The following MLLT10 variants were observed in gnomAD, a reference collection of about 807,000 sequenced individuals.
The protein encoded by MLLT10 is MLLT10 histone lysine methyltransferase DOT1L cofactor.
Under a neutral mutation model 129.1 loss-of-function variants are expected in MLLT10, and 30 were observed. That is an observed-to-expected ratio of 0.23 (90% CI 0.17 to 0.32). The LOEUF is 0.32. MLLT10 is among the 10% of genes least tolerant of loss of function. The pLI is 1.00. For synonymous variants in MLLT10, 490 were observed against 446.4 expected (o/e 1.10, Z -1.23); for missense variants, 1,119 against 1,268.3 (o/e 0.88, Z 1.79).
intron 8 of MLLT10, among the ~76,000 whole-genome samples, chr10:21,631,616 G>A (rs959936315): frequency 6.6e-6 from 1 of 152,078 alleles, no homozygotes; most frequent in African/African-American, 2.4e-5. Context: ...AATCATGTCA[G>A]AAGGCGACGA....
intron 3 of MLLT10, among the ~76,000 whole-genome samples, chr10:21,580,142 C>A (rs963798254): frequency 6.6e-6 from 1 of 151,368 alleles, no homozygotes; most frequent in Non-Finnish European, 1.5e-5. Flanking sequence ...CCTCAGCCTT[C>A]TGAGTATTTG....
intron 8 of MLLT10, among the ~76,000 whole-genome samples, chr10:21,642,618 C>A (rs551294632): frequency 2.1e-5 from 3 of 143,902 alleles, no homozygotes; most frequent in Middle Eastern, 3.8e-3. Flanking sequence ...GATTGAGCCA[C>A]TGCACTCCAG....
chr10:21,587,314 G>C (rs2042080145), intron 4 of MLLT10, among the ~76,000 whole-genome samples: 1 of 151,508 alleles, frequency 6.6e-6, no homozygotes, highest in Non-Finnish European at 1.5e-5. Context: ...CAGCTACTTG[G>C]GAAGCTGAGC....
At chr10:21,712,188 A>G (rs1179626430) in intron 13 of MLLT10, among the ~76,000 whole-genome samples, 2 of 126,808 alleles carry the variant, frequency 1.6e-5, no homozygotes, top group Non-Finnish European at 3.4e-5. Flanking sequence ...AATTTATTAT[A>G]TAAGTCAATA....
intron 3 of MLLT10, 88 bp from the exon 4 acceptor site, chr10:21,586,206 T>G: frequency 9.8e-7 from 1 of 1,015,694 alleles, no homozygotes; most frequent in Non-Finnish European, 1.5e-6. Flanking sequence ...TGCTCTCACA[T>G]TTTCAGTAGT....
chr10:21,741,880 C>T, intron 22 of MLLT10, 59 bp from the exon 23 acceptor site: 28 of 1,547,052 alleles, frequency 1.8e-5, no homozygotes, highest in Middle Eastern at 1.7e-4. Flanking sequence ...GTTTCAAATT[C>T]GGAGAATATT....
intron 8 of MLLT10, among the ~76,000 whole-genome samples, chr10:21,638,892 C>T (rs1255083472): frequency 6.6e-6 from 1 of 152,220 alleles, no homozygotes; most frequent in East Asian, 1.9e-4. Context: ...GCCAGCACAG[C>T]ATCCTTGGGC....
Position 21,595,234 on chromosome 10 carries a change from A to G in MLLT10, c.296-97A>G, listed in dbSNP as rs2042931460. On this transcript the variant is annotated intron_variant, in intron 4 of 22. Transcript: ENST00000307729. Reference sequence around the variant, plus strand: ...TTGTTAATGTCCTTGTTGTGCATTTATTTCAATAGACATTTAAGGGATCTG... The same window carrying G: ...TTGTTAATGTCCTTGTTGTGCATTTGTTTCAATAGACATTTAAGGGATCTG... 6 of 794,910 alleles carry G rather than the reference A, an allele frequency of 7.5e-6. No individual in the cohort carries two copies. The Admixed American group carries it at 1.5e-4, about 20-fold the overall frequency. The allele number at this position is 794,910 out of a possible 1,614,324, so 49.2% of individuals were successfully genotyped here.
intron 13 of MLLT10, among the ~76,000 whole-genome samples, chr10:21,689,546 A>AATATATATATATATATATATGTAT (rs370885697): frequency 3.7e-5 from 4 of 108,324 alleles, no homozygotes; most frequent in African/African-American, 1.3e-4. Flanking sequence ...TGTGTAAAGT[A>AATATATATATATATATATATGTAT]ATATATATAT....
chr10:21,616,384 G>A (rs879490290), intron 7 of MLLT10, among the ~76,000 whole-genome samples: 1 of 151,912 alleles, frequency 6.6e-6, no homozygotes, highest in Non-Finnish European at 1.5e-5. Context: ...CTTTACATTT[G>A]CATGGAATTT....
intron 3 of MLLT10, among the ~76,000 whole-genome samples, chr10:21,540,134 T>C (rs1372454014): frequency 6.6e-6 from 1 of 152,120 alleles, no homozygotes; most frequent in African/African-American, 2.4e-5. Flanking sequence ...CTCATGCCTA[T>C]AATTCCAGCA....
At chr10:21,605,267 G>C (rs1163525034) in intron 5 of MLLT10, among the ~76,000 whole-genome samples, 2 of 152,076 alleles carry the variant, frequency 1.3e-5, no homozygotes, top group Non-Finnish European at 2.9e-5. Flanking sequence ...TGGCTGACTG[G>C]GAGTTGTGGC....
intron 3 of MLLT10, among the ~76,000 whole-genome samples, chr10:21,578,858 C>A (rs1589046863): frequency 6.6e-6 from 1 of 152,078 alleles, no homozygotes; most frequent in East Asian, 1.9e-4. Context: ...ATATTATAAG[C>A]CCCAGAAAAC....
intron 11 of MLLT10, among the ~76,000 whole-genome samples, chr10:21,675,092 T>A (rs972007594): frequency 9.2e-5 from 14 of 152,226 alleles, no homozygotes; most frequent in Non-Finnish European, 1.8e-4. Flanking sequence ...TGTTAATATT[T>A]ATTTTCTCAT....
rs184791052 is a variant in MLLT10 at position 21,693,232 on chromosome 10, G to A, written c.1699+10975G>A. On this transcript the variant is annotated intron_variant, in intron 13 of 22. Coordinates refer to ENST00000307729, the MANE Select transcript of MLLT10 (RefSeq NM_001195626.3). ...TCATTGATTCATAACAATTGCAGCT[G>A]ACATTTAAATTGCTTTGCAATGTTA... 3.8e-3 allele frequency among the ~76,000 whole-genome samples: 572 copies of A among 152,208 alleles called. 4 individuals are homozygous for A. The highest frequency in any genetic ancestry group is 0.013 in the African/African-American group (543 of 41,516).
At chr10:21,557,548 C>T (rs2038203448) in intron 3 of MLLT10, 1 of 152,784 alleles carries the variant, frequency 6.5e-6, no homozygotes, top group African/African-American at 2.4e-5. Flanking sequence ...CCTCTTTCTC[C>T]TTCCGTGGGG....
At chr10:21,666,652 ACT>A (rs1232564446) in intron 9 of MLLT10, among the ~76,000 whole-genome samples, 4 of 150,374 alleles carry the variant, frequency 2.7e-5, no homozygotes, top group African/African-American at 7.3e-5. Flanking sequence ...ACAGAGCAAG[ACT>A]CTGTCTCAAA....
At chr10:21,724,444 A>G (rs1314354616) in intron 14 of MLLT10, among the ~76,000 whole-genome samples, 1 of 152,230 alleles carries the variant, frequency 6.6e-6, no homozygotes, top group African/African-American at 2.4e-5. Flanking sequence ...GCAGTTATAC[A>G]TATCCAAATG....
chr10:21,742,208 T>C lies in MLLT10; in HGVS notation c.*225T>C, dbSNP rs1219780038. The C allele has an allele frequency of 2.4e-6, 1 of 416,490 alleles. No homozygotes were observed. The highest frequency in any genetic ancestry group is 4.2e-6 in the Non-Finnish European group (1 of 236,302). 25.8% of individuals were successfully genotyped at this position (416,490 alleles called of 1,614,324 possible). A position where few individuals can be genotyped will look rare whatever the true frequency, so the allele number is the denominator to read the frequency against. ...TGCCCCTACCCCTTACCCCAGTTTT[T>C]TGAACATGGAAAGAAAATTTAATAA... On this transcript the variant is annotated 3_prime_UTR_variant, in exon 23 of 23. Transcript: ENST00000307729.
Sources: allele counts gnomAD v4.1 joint callset (sites outside exome capture counted in the v4.1 genomes callset), GRCh38; gene constraint gnomAD v4.1.1; transcripts MANE v1.5; gene names NCBI Gene and HGNC (gene_info 2026-07-23, HGNC 2026-07-21).